Variants in PRTG observed in about 807,000 individuals in gnomAD.
PRTG encodes immunoglobulin superfamily, DCC subclass, member 5.
A neutral mutation model predicts 122.5 loss-of-function variants in PRTG; 67 were observed. The ratio of observed to expected loss-of-function variants is 0.55; its 90% CI spans 0.45 to 0.67. The LOEUF (loss-of-function observed/expected upper bound fraction) is 0.67. Ranked by LOEUF, PRTG falls within the 30% of genes least tolerant of loss-of-function variation. The probability of loss-of-function intolerance (pLI) is 0.00; values close to 1 mark genes in which losing one functional copy is unlikely to be tolerated. For synonymous variants in PRTG, 554 were observed against 501.1 expected (o/e 1.11, Z -1.41); for missense variants, 1,435 against 1,415.4 (o/e 1.01, Z -0.22).
At chr15:55,661,893 C>T (rs1198524936) in intron 11 of PRTG, among the ~76,000 whole-genome samples, 4 of 59,982 alleles carry the variant, frequency 6.7e-5, no homozygotes, top group African/African-American at 2.0e-4. Context: ...TTGCTTAATA[C>T]TTAAAAAAAA....
chr15:55,623,585 A>C (rs1248928619), intron 18 of PRTG, among the ~76,000 whole-genome samples: 1 of 152,146 alleles, frequency 6.6e-6, no homozygotes. Flanking sequence ...AGTAAAAAAC[A>C]GTCTTAGCTC....
intron 2 of PRTG, among the ~76,000 whole-genome samples, chr15:55,711,687 C>T (rs886696066): frequency 8.5e-5 from 13 of 152,150 alleles, no homozygotes; most frequent in Middle Eastern, 3.4e-3. Flanking sequence ...CCTTCACCAG[C>T]AAGCCTATCA....
At position 55,612,157 on chromosome 15, in the gene PRTG, T is replaced by C. The variant is rs2141696869; in HGVS notation, c.*7855A>G. The C allele has an allele frequency of 6.6e-6, 1 of 152,238 alleles. No individual in the cohort carries two copies. Among genetic ancestry groups the C allele is most frequent in the African/African-American group, 2.4e-5 (1 of 41,564 alleles). 9.4% of individuals were successfully genotyped at this position (152,238 alleles called of 1,614,324 possible). Reference sequence around the variant, plus strand: ...TGTATTCAGGCTTTGCAATTTCCTATTAACAGGCTCAAGTTGCTAATCATC... The same window carrying C: ...TGTATTCAGGCTTTGCAATTTCCTACTAACAGGCTCAAGTTGCTAATCATC... On this transcript the variant is annotated 3_prime_UTR_variant, in exon 20 of 20. Coordinates refer to ENST00000389286, the MANE Select transcript of PRTG (RefSeq NM_173814.6).
chr15:55,622,225 T>G (rs540302958), intron 18 of PRTG, among the ~76,000 whole-genome samples: 2 of 149,502 alleles, frequency 1.3e-5, no homozygotes, highest in South Asian at 4.3e-4. Flanking sequence ...TGTTTTTTTT[T>G]TTTTTTTTTT....
At chr15:55,621,202 A>T (rs890486349) in intron 18 of PRTG, among the ~76,000 whole-genome samples, 21 of 152,226 alleles carry the variant, frequency 1.4e-4, no homozygotes, top group African/African-American at 5.1e-4. Flanking sequence ...AAATACAAAA[A>T]TTAGCCAGGC....
Position 55,640,855 on chromosome 15 carries a change from AC to A in PRTG, c.2137+257del, listed in dbSNP as rs938192699. Among the ~76,000 whole-genome samples, 7 of 143,304 alleles carry A rather than the reference AC, an allele frequency of 4.9e-5. No individual in the cohort carries two copies. In the East Asian group the frequency reaches 1.4e-3, roughly 28 times the overall value. The allele number at this position is 143,304 out of a possible 152,430, so 94.0% of individuals were successfully genotyped here. On this transcript the variant is annotated intron_variant, in intron 12 of 19. Coordinates refer to ENST00000389286, the MANE Select transcript of PRTG (RefSeq NM_173814.6). ...TGAAAACCCCGTCTCTACTAAAAAT[AC>A]AAAAAAAAAAAAATTAGCCAGGTGT...
intron 11 of PRTG, among the ~76,000 whole-genome samples, chr15:55,663,807 GC>G (rs901492867): frequency 2.6e-5 from 4 of 152,088 alleles, no homozygotes; most frequent in Non-Finnish European, 4.4e-5. Flanking sequence ...CTCCCAAAGT[GC>G]TGGGATTACA....
At position 55,616,662 on chromosome 15, in the gene PRTG, T is replaced by C. The variant is rs1171566331; in HGVS notation, c.*3350A>G. 2.0e-5 allele frequency: 3 copies of C among 152,148 alleles called. No individual in the cohort carries two copies. The highest frequency in any genetic ancestry group is 7.2e-5 in the African/African-American group (3 of 41,454). 9.4% of individuals were successfully genotyped at this position (152,148 alleles called of 1,614,324 possible). A position where few individuals can be genotyped will look rare whatever the true frequency, so the allele number is the denominator to read the frequency against. ...AACATAAAAACAAGAAACAACAGTT[T>C]AATGTACAACTATATTTGCCTATAT... On this transcript the variant is annotated 3_prime_UTR_variant, in exon 20 of 20. Transcript: ENST00000389286.
At chr15:55,709,963 G>A (rs961945646) in intron 2 of PRTG, among the ~76,000 whole-genome samples, 13 of 152,028 alleles carry the variant, frequency 8.6e-5, no homozygotes, top group African/African-American at 3.1e-4. Flanking sequence ...TCAACAAAGT[G>A]TGCACTTCAA....
chr15:55,645,803 G>C (rs1306432033), intron 11 of PRTG, among the ~76,000 whole-genome samples: 1 of 152,062 alleles, frequency 6.6e-6, no homozygotes, highest in Non-Finnish European at 1.5e-5. Context: ...CGTATGTAGT[G>C]CTTGGTTACA....
Position 55,613,384 on chromosome 15 carries a change from A to T in PRTG, c.*6628T>A, listed in dbSNP as rs1268919725. The stretch of plus-strand genomic sequence containing the variant: ...GTTTGGAATATGGGAGCTACAGAAA[A>T]TTACAAAAGATAAAATGCAATTCTG... On this transcript the variant is annotated 3_prime_UTR_variant, in exon 20 of 20. Transcript: ENST00000389286. The T allele has an allele frequency of 6.6e-6, 1 of 152,168 alleles. No individual in the cohort carries two copies. The highest frequency in any genetic ancestry group is 2.4e-5 in the African/African-American group (1 of 41,460). 9.4% of individuals were successfully genotyped at this position (152,168 alleles called of 1,614,324 possible). A position where few individuals can be genotyped will look rare whatever the true frequency, so the allele number is the denominator to read the frequency against.
intron 19 of PRTG, 148 bp downstream of exon 19, chr15:55,620,515 C>T: frequency 3.2e-6 from 4 of 1,243,380 alleles, no homozygotes; most frequent in Non-Finnish European, 4.2e-6. Context: ...ACCTCGCTCT[C>T]CACAGAGCCA....
intron 2 of PRTG, among the ~76,000 whole-genome samples, chr15:55,709,540 A>G (rs1241546368): frequency 6.6e-6 from 1 of 151,988 alleles, no homozygotes; most frequent in Non-Finnish European, 1.5e-5. Context: ...TATCTACCCA[A>G]GTGAAATTAG....
intron 2 of PRTG, among the ~76,000 whole-genome samples, chr15:55,684,810 C>A (rs953128346): frequency 6.6e-5 from 10 of 152,024 alleles, no homozygotes; most frequent in African/African-American, 2.4e-4. Flanking sequence ...AATGAAGGAA[C>A]AGGATGAGAA....
At position 55,743,115 on chromosome 15, in the gene PRTG, A is replaced by G. The variant is rs1284129019; in HGVS notation, c.-184T>C. ...GCTGGTGCTCGGACGGCCGCTCGCG[A>G]GAAGCAAGGGGCCTGAGAGTCCGGC... On this transcript the variant is annotated 5_prime_UTR_variant, in exon 1 of 20. Coordinates refer to ENST00000389286, the MANE Select transcript of PRTG (RefSeq NM_173814.6). 7.8e-7 allele frequency: 1 copy of G among 1,277,180 alleles called. No homozygotes were observed. The highest frequency in any genetic ancestry group is 3.3e-5 in the East Asian group (1 of 30,224). 79.1% of individuals were successfully genotyped at this position (1,277,180 alleles called of 1,614,324 possible). A position where few individuals can be genotyped will look rare whatever the true frequency, so the allele number is the denominator to read the frequency against.
chr15:55,733,232 C>T (rs527573997), intron 2 of PRTG, among the ~76,000 whole-genome samples: 2 of 151,964 alleles, frequency 1.3e-5, no homozygotes, highest in Admixed American at 1.3e-4. Context: ...GGAGGCCAGG[C>T]GTGGTGGCTC....
chr15:55,658,433 A>G (rs1189807883), intron 11 of PRTG, among the ~76,000 whole-genome samples: 1 of 151,814 alleles, frequency 6.6e-6, no homozygotes, highest in Admixed American at 6.6e-5. Context: ...CTCTGGCCTC[A>G]GCCTCCCGAG....
At chr15:55,621,591 A>G (rs988020587) in intron 18 of PRTG, among the ~76,000 whole-genome samples, 1 of 152,058 alleles carries the variant, frequency 6.6e-6, no homozygotes, top group African/African-American at 2.4e-5. Flanking sequence ...CCCGGGGCCG[A>G]GATCGCGCCA....
chr15:55,636,585 A>G (rs369532209), intron 15 of PRTG, among the ~76,000 whole-genome samples: 2 of 151,932 alleles, frequency 1.3e-5, no homozygotes, highest in East Asian at 1.9e-4. Flanking sequence ...CTGGACGACT[A>G]CGGTAATTTC....
Sources: allele counts gnomAD v4.1 joint callset (sites outside exome capture counted in the v4.1 genomes callset), GRCh38; gene constraint gnomAD v4.1.1; transcripts MANE v1.5; gene names NCBI Gene and HGNC (gene_info 2026-07-23, HGNC 2026-07-21).